DHRSX: variants seen among roughly 807,000 people sequenced by gnomAD.
DHRSX encodes dehydrogenase/reductase X-linked.
Under a neutral mutation model 34.0 loss-of-function variants are expected in DHRSX, and 31 were observed. The observed-to-expected ratio is 0.91, with a 90% confidence interval of 0.69 to 1.23. The LOEUF (loss-of-function observed/expected upper bound fraction) is 1.23. Among genes scored for constraint, DHRSX ranks in the 50% most tolerant of loss-of-function variants. The pLI, the probability that DHRSX is intolerant of heterozygous loss-of-function variation, is 0.00. For missense variants in DHRSX, 414 were observed against 428.1 expected, an observed-to-expected ratio of 0.97 and a Z score of 0.29; for synonymous variants, 201 against 183.8, an observed-to-expected ratio of 1.09 and a Z score of -0.76.
At chrX:2,372,980 G>C (rs6641962) in intron 3 of DHRSX, among the ~76,000 whole-genome samples, 6,099 of 152,134 alleles carry the variant, frequency 0.04, 154 homozygotes, top group East Asian at 0.11. Context: ...TCATTCTCAC[G>C]CTGCTGATAG....
At position 2,402,204 on chromosome X, in the gene DHRSX, A is replaced by G. The variant is rs892971621; in HGVS notation, c.286+6541T>C. ...CCGACTTGCTTAAAAATAAATCCAC[A>G]TGGCTGAACCGGGGTTACCCGATGC... On this transcript the variant is annotated intron_variant, in intron 3 of 6. Transcript: ENST00000334651. 3.4e-4 allele frequency among the ~76,000 whole-genome samples: 52 copies of G among 152,176 alleles called. 1 individual carries two copies.
intron 1 of DHRSX, chrX:2,500,281 T>C: frequency 5.6e-6 from 1 of 177,092 alleles, no homozygotes; most frequent in Non-Finnish European, 1.2e-5. Context: ...TCTGGAGACG[T>C]CCTCCGGAGA....
intron 1 of DHRSX, among the ~76,000 whole-genome samples, chrX:2,462,482 C>G (rs1431247985): frequency 2.6e-5 from 4 of 151,948 alleles, no homozygotes; most frequent in Non-Finnish European, 4.4e-5. Flanking sequence ...TTGCAGCGAG[C>G]CAAGATCGTG....
intron 3 of DHRSX, among the ~76,000 whole-genome samples, chrX:2,379,599 T>G (rs1160437354): frequency 1.3e-5 from 2 of 148,516 alleles, no homozygotes; most frequent in South Asian, 2.2e-4. Context: ...GTGGAGGTTT[T>G]TTTTTTTTTT....
chrX:2,259,142 G>T (rs1270445486), intron 5 of DHRSX, among the ~76,000 whole-genome samples: 2 of 151,820 alleles, frequency 1.3e-5, no homozygotes, highest in Admixed American at 6.6e-5. Context: ...GCGTGATGGC[G>T]CATGCCTGTA....
At chrX:2,345,993 C>T (rs961208668) in intron 3 of DHRSX, among the ~76,000 whole-genome samples, 3 of 152,184 alleles carry the variant, frequency 2.0e-5, no homozygotes, top group Non-Finnish European at 4.4e-5. Flanking sequence ...CTCAGACACA[C>T]AGTTCCCTGG....
chrX:2,386,824 A>G (rs1349593168), intron 3 of DHRSX, among the ~76,000 whole-genome samples: 1 of 150,444 alleles, frequency 6.6e-6, no homozygotes, highest in African/African-American at 2.4e-5. Flanking sequence ...TGAAGGATGA[A>G]TAAATGGTGG....
chrX:2,440,394 G>GTT (rs2044047865), intron 1 of DHRSX, among the ~76,000 whole-genome samples: 1 of 151,856 alleles, frequency 6.6e-6, no homozygotes, highest in African/African-American at 2.4e-5. Flanking sequence ...TAGAGACAGG[G>GTT]TCTCCGTATG....
chrX:2,475,677 C>T (rs1224616746), intron 1 of DHRSX, among the ~76,000 whole-genome samples: 1 of 151,976 alleles, frequency 6.6e-6, no homozygotes, highest in Non-Finnish European at 1.5e-5. Context: ...AACACGTTCC[C>T]TAAGAATGTG....
At chrX:2,476,051 C>T (rs1386885451) in intron 1 of DHRSX, among the ~76,000 whole-genome samples, 1 of 152,188 alleles carries the variant, frequency 6.6e-6, no homozygotes, top group Non-Finnish European at 1.5e-5. Flanking sequence ...AATGCCATTT[C>T]ATCACAGCAC....
chrX:2,350,004 A>G (rs148043772), intron 3 of DHRSX, among the ~76,000 whole-genome samples: 5,577 of 151,774 alleles, frequency 0.037, 334 homozygotes, highest in African/African-American at 0.13. Context: ...GCGCCACTGC[A>G]CTCCAGCCTG....
chrX:2,368,435 C>CAAATGTGTG (rs2043019463), intron 3 of DHRSX, among the ~76,000 whole-genome samples: 1 of 152,058 alleles, frequency 6.6e-6, no homozygotes, highest in Non-Finnish European at 1.5e-5. Context: ...CTGCGTCTTT[C>CAAATGTGTG]AAATGTGTGA....
intron 1 of DHRSX, among the ~76,000 whole-genome samples, chrX:2,435,069 G>C (rs1485457080): frequency 6.7e-6 from 1 of 150,110 alleles, no homozygotes; most frequent in Non-Finnish European, 1.5e-5. Flanking sequence ...CAGGAGAGGA[G>C]GTTGAGGTAG....
intron 3 of DHRSX, among the ~76,000 whole-genome samples, chrX:2,331,449 T>G (rs1296637312): frequency 1.5e-5 from 2 of 134,834 alleles, no homozygotes; most frequent in African/African-American, 5.2e-5. Flanking sequence ...TTTTTTTTTT[T>G]TTTTTTTTTT....
chrX:2,461,589 T>A lies in DHRSX; in HGVS notation c.110-36285A>T, dbSNP rs1206327147. ...GTGTCTCTCACTCTGGTGCCCAGGC[T>A]GCACGACAGTGATGCAATCTCAGCT... is the stretch of plus-strand genomic sequence containing the variant. On this transcript the variant is annotated intron_variant, in intron 1 of 6. Transcript: ENST00000334651. Among the ~76,000 whole-genome samples, 3 of 152,218 alleles carry A rather than the reference T, an allele frequency of 2.0e-5. No individual in the cohort carries two copies. The South Asian group carries it at 6.2e-4, about 31-fold the overall frequency.
intron 1 of DHRSX, among the ~76,000 whole-genome samples, chrX:2,479,573 C>T (rs1413118896): frequency 1.3e-5 from 2 of 148,712 alleles, no homozygotes; most frequent in Non-Finnish European, 3.0e-5. Flanking sequence ...CCTAAGAAAA[C>T]GGCCAAGGGA....
At chrX:2,497,673 T>C (rs980020229) in intron 1 of DHRSX, among the ~76,000 whole-genome samples, 2 of 152,200 alleles carry the variant, frequency 1.3e-5, no homozygotes, top group African/African-American at 4.8e-5. Flanking sequence ...AATAGAACTT[T>C]TAAGAAAAAT....
At chrX:2,342,509 C>T (rs1435589230) in intron 3 of DHRSX, among the ~76,000 whole-genome samples, 1 of 151,812 alleles carries the variant, frequency 6.6e-6, no homozygotes, top group Non-Finnish European at 1.5e-5. Context: ...TTGGGTACAG[C>T]CTGCCCTTTC....
At chrX:2,304,706 G>C (rs2042079633) in intron 3 of DHRSX, among the ~76,000 whole-genome samples, 1 of 152,022 alleles carries the variant, frequency 6.6e-6, no homozygotes, top group Non-Finnish European at 1.5e-5. Flanking sequence ...TGCCTCCCTA[G>C]AAGCAGAAGC....
Sources: gnomAD v4.1 joint callset for allele counts (sites outside exome capture counted in the v4.1 genomes callset) on GRCh38, gnomAD v4.1.1 for gene constraint, MANE v1.5 for transcripts, NCBI Gene and HGNC (gene_info 2026-07-23, HGNC 2026-07-21) for gene names.